SP140: variants seen among roughly 807,000 people sequenced by gnomAD.
SP140 encodes nuclear body protein SP140.
SP140 carries 81 observed loss-of-function variants against 125.0 expected under a neutral mutation model. That is an observed-to-expected ratio of 0.65 (90% CI 0.54 to 0.78). SP140 has a LOEUF of 0.78. SP140 is among the 30% of genes least tolerant of loss of function. The pLI, the probability that SP140 is intolerant of heterozygous loss-of-function variation, is 0.00. For missense variants in SP140, 858 were observed against 1,037.0 expected (o/e 0.83, Z 2.37); for synonymous variants, 312 against 354.0 (o/e 0.88, Z 1.33).
the SP140 span, among the ~76,000 whole-genome samples, chr2:230,197,718 G>A: frequency 6.6e-6 from 1 of 151,668 alleles, no homozygotes; most frequent in Non-Finnish European, 1.5e-5. Context: ...ATTAATTTTT[G>A]TATAAGGTGT....
rs1189048715 is a variant in SP140 at position 230,247,951 on chromosome 2, A to T, written c.778A>T (p.Thr260Ser). 4 of 1,613,924 alleles carry T rather than the reference A, an allele frequency of 2.5e-6. No individual in the cohort carries two copies. Among genetic ancestry groups the T allele is most frequent in the Non-Finnish European group, 3.4e-6 (4 of 1,179,888 alleles). ...ESNGMIDAAR[T>S]YSTAPGEKQG... The stretch of plus-strand genomic sequence containing the variant: ...CAACGGGATGATAGATGCGGCAAGG[A>T]CATACAGCACAGCACCAGGGGAGAA... Residue 260 changes from threonine (T) to serine (S), a missense_variant, in exon 8 of 27, where the codon ACA (threonine) becomes TCA (serine). Thr to Ser is a moderately conservative substitution (Grantham distance 58). Transcript: ENST00000392045.
At chr2:230,223,932 T>G (rs2046026995), upstream of SP140, among the ~76,000 whole-genome samples, 1 of 152,194 alleles carries the variant, frequency 6.6e-6, no homozygotes, top group Non-Finnish European at 1.5e-5. Context: ...GGCCGGAGCC[T>G]TCTGACTCCA....
chr2:230,299,561 T>C (rs966501884), intron 22 of SP140, among the ~76,000 whole-genome samples: 7 of 152,166 alleles, frequency 4.6e-5, no homozygotes, highest in African/African-American at 1.7e-4. Context: ...CTGAACTTTG[T>C]AATAATTTTA....
rs374284504 is a variant in SP140 at position 230,248,903 on chromosome 2, C to T, written c.911C>T (p.Thr304Ile). 198 of 1,612,628 alleles carry T rather than the reference C, an allele frequency of 1.2e-4. No homozygotes were observed. In the African/African-American group the frequency reaches 2.5e-3, roughly 20 times the overall value. ...TCTGCAGAGACCTTTGATCTAAAAA[C>T]TCCCCAAGTCACTAATGAAGGAGAA... ...GRDKETFDLK[T>I]PQVTNEGEPE... Residue 304 changes from threonine (T) to isoleucine (I), a missense_variant, in exon 9 of 27, where the codon ACT (threonine) becomes ATT (isoleucine). By Grantham distance (89) the Thr-to-Ile change is moderately conservative (BLOSUM62 -1). This residue lies in a region of SP140 where 791 missense variants were observed against 869.5 expected (regional missense o/e 0.91). Coordinates refer to ENST00000392045, the MANE Select transcript of SP140 (RefSeq NM_007237.5).
At chr2:230,283,876 A>T (rs1451438569) in intron 15 of SP140, among the ~76,000 whole-genome samples, 1 of 152,224 alleles carries the variant, frequency 6.6e-6, no homozygotes, top group South Asian at 2.1e-4. Context: ...AGGAAACTAT[A>T]TAGAAATTCT....
In SP140 at chr2:230,251,014, G is replaced by C. The variant is rs1475495902; in HGVS notation, c.1010G>C (p.Gly337Ala). ...GSDDCSEMCD[G>A]EEPQEASSSL... ...GATGACTGTTCAGAAATGTGTGATG[G>C]AGAAGAGCCCCAGGAAGCCTCTAGC... is the stretch of plus-strand genomic sequence containing the variant. The change falls in exon 10 of 27, where the codon GGA becomes GCA. Residue 337 changes from glycine (G) to alanine (A), a missense_variant. Around this residue, in one of 4 missense-constraint regions of SP140, gnomAD observed 791 missense variants for 869.5 expected, o/e 0.91. Coordinates refer to ENST00000392045, the MANE Select transcript of SP140 (RefSeq NM_007237.5). 6.2e-7 allele frequency: 1 copy of C among 1,613,834 alleles called. No homozygotes were observed. The highest frequency in any genetic ancestry group is 8.5e-7 in the Non-Finnish European group (1 of 1,179,818).
At chr2:230,238,539 T>C (rs2048291462) in intron 3 of SP140, 158 bp downstream of exon 3, 1 of 794,256 alleles carries the variant, frequency 1.3e-6, no homozygotes, top group Non-Finnish European at 2.0e-6. Flanking sequence ...ACATGTCCCA[T>C]GTCCTTATGG....
chr2:230,289,876 C>T (rs1467874859), intron 18 of SP140, among the ~76,000 whole-genome samples: 1 of 152,216 alleles, frequency 6.6e-6, no homozygotes, highest in Non-Finnish European at 1.5e-5. Flanking sequence ...TCCAGTCCCC[C>T]ACCTGCAACC....
chr2:230,275,902 C>A (rs2054642718), intron 15 of SP140, among the ~76,000 whole-genome samples: 1 of 152,126 alleles, frequency 6.6e-6, no homozygotes, highest in South Asian at 2.1e-4. Context: ...CACAACATTC[C>A]CTTAAGCCAA....
At chr2:230,253,184 A>G in intron 10 of SP140, 132 bp from the exon 11 acceptor site, 1 of 670,550 alleles carries the variant, frequency 1.5e-6, no homozygotes, top group Non-Finnish European at 2.7e-6. Flanking sequence ...AATTAGAGAG[A>G]AGGAGAAAGA....
the SP140 span, among the ~76,000 whole-genome samples, chr2:230,197,540 T>G: frequency 6.7e-6 from 1 of 148,496 alleles, no homozygotes; most frequent in South Asian, 2.2e-4. Context: ...AGAAGCTCTT[T>G]AGTTTAATTA....
At chr2:230,192,383 AC>A in the SP140 span, among the ~76,000 whole-genome samples, 5 of 152,038 alleles carry the variant, frequency 3.3e-5, no homozygotes, top group South Asian at 1.0e-3. Flanking sequence ...TACTTAGAAA[AC>A]CCCATCATCT....
At chr2:230,247,791 TA>T in intron 7 of SP140, 124 bp from the exon 8 acceptor site, 1 of 887,944 alleles carries the variant, frequency 1.1e-6, no homozygotes, top group Non-Finnish European at 1.7e-6. Flanking sequence ...TGAGCTTTCC[TA>T]AAGGCTTAGC....
Position 230,214,580 on chromosome 2 carries a change from G to A in SP140, c.-91+506G>A, listed in dbSNP as rs546765645. Among the ~76,000 whole-genome samples, 10 of 152,278 alleles carry A rather than the reference G, an allele frequency of 6.6e-5. No individual in the cohort carries two copies. The South Asian group carries it at 1.7e-3, about 25-fold the overall frequency. The stretch of plus-strand genomic sequence containing the variant: ...CAAAAAAAGATACTTATTATTATCC[G>A]TCCACATTCATTTTTTCTTCCTCCC... On this transcript the variant is annotated intron_variant, in intron 3 of 4. Coordinates refer to the SP140 transcript ENST00000456542.
chr2:230,238,154 A>G, intron 2 of SP140, 59 bp from the exon 3 acceptor site: 1 of 1,272,852 alleles, frequency 7.9e-7, no homozygotes, highest in Non-Finnish European at 1.1e-6. Flanking sequence ...CTACAACCTA[A>G]AAGTCTTTTG....
chr2:230,195,263 C>G, the SP140 span, among the ~76,000 whole-genome samples: 1 of 152,022 alleles, frequency 6.6e-6, no homozygotes, highest in Non-Finnish European at 1.5e-5. Flanking sequence ...TCCATTTTAG[C>G]TGGAAATTGA....
intron 15 of SP140, among the ~76,000 whole-genome samples, chr2:230,282,991 T>G (rs1483948749): frequency 6.6e-6 from 1 of 152,144 alleles, no homozygotes; most frequent in Non-Finnish European, 1.5e-5. Context: ...GTCCAATCTG[T>G]CCTATTTGTC....
chr2:230,199,378 T>C (rs1192158142), upstream of SP140, among the ~76,000 whole-genome samples: 1 of 151,496 alleles, frequency 6.6e-6, no homozygotes, highest in African/African-American at 2.4e-5. Context: ...CTGGCTAGTT[T>C]TTGTATTTTT....
At chr2:230,280,215 T>C (rs945618762) in intron 15 of SP140, among the ~76,000 whole-genome samples, 3 of 152,112 alleles carry the variant, frequency 2.0e-5, no homozygotes, top group Non-Finnish European at 2.9e-5. Flanking sequence ...CTATTTATGA[T>C]TTGTAACTTT....
Sources: gnomAD v4.1 joint callset for allele counts (sites outside exome capture counted in the v4.1 genomes callset) on GRCh38, gnomAD v4.1.1 for gene constraint, gnomAD v4.1.1 regional missense constraint, MANE v1.5 for transcripts, NCBI Gene and HGNC (gene_info 2026-07-23, HGNC 2026-07-21) for gene names.